NTM: variants seen among roughly 807,000 people sequenced by gnomAD.
NTM encodes the protein IgLON family member 2.
NTM carries 13 observed loss-of-function variants against 42.1 expected under a neutral mutation model. The ratio of observed to expected loss-of-function variants is 0.31; its 90% CI spans 0.20 to 0.49. NTM has a LOEUF of 0.49. Ranked by LOEUF, NTM falls within the 20% of genes least tolerant of loss-of-function variation. NTM has a pLI of 0.99. For synonymous variants in NTM, 187 were observed against 179.2 expected (o/e 1.04, Z -0.35); for missense variants, 373 against 452.8 (o/e 0.82, Z 1.60).
intron 3 of NTM, among the ~76,000 whole-genome samples, chr11:132,198,104 C>T (rs1231592260): frequency 3.3e-5 from 5 of 152,180 alleles, no homozygotes; most frequent in East Asian, 1.9e-4. Flanking sequence ...AACTAGTTTA[C>T]GATCCCACCA....
rs1041719787 is a variant in NTM, at chr11:131,659,434, C to G, written c.83-252130C>G. On this transcript the variant is annotated intron_variant, in intron 1 of 8. Coordinates refer to ENST00000683400, the MANE Select transcript of NTM (RefSeq NM_001352005.2). ...CTGGGTGAGGGAGTTGAGCCAGACC[C>G]TGTATGCTGAGCCCTCAGCCCAAGC... Among the ~76,000 whole-genome samples, 3 of 152,152 alleles carry G rather than the reference C, an allele frequency of 2.0e-5. No homozygotes were observed. The South Asian group carries it at 6.2e-4, about 32-fold the overall frequency.
At chr11:131,442,544 G>A (rs999988252) in intron 1 of NTM, among the ~76,000 whole-genome samples, 1 of 152,118 alleles carries the variant, frequency 6.6e-6, no homozygotes, top group African/African-American at 2.4e-5. Flanking sequence ...GTACCCAATA[G>A]GTAAGTTTTC....
chr11:131,910,185 T>C (rs1292026064), intron 1 of NTM: 2 of 152,230 alleles, frequency 1.3e-5, no homozygotes, highest in African/African-American at 2.4e-5. Context: ...TATGAGGTTC[T>C]TCTAAAACAT....
intron 1 of NTM, among the ~76,000 whole-genome samples, chr11:131,640,274 C>T (rs2064972722): frequency 6.6e-6 from 1 of 152,166 alleles, no homozygotes; most frequent in South Asian, 2.1e-4. Flanking sequence ...TATGTGCAAC[C>T]TGTTCTTATG....
At chr11:131,986,354 A>G (rs2066069015) in intron 2 of NTM, among the ~76,000 whole-genome samples, 1 of 152,230 alleles carries the variant, frequency 6.6e-6, no homozygotes, top group Non-Finnish European at 1.5e-5. Context: ...TCCTTTGCAC[A>G]AAAGCTTAAT....
At chr11:132,066,567 C>T (rs2056526609) in intron 2 of NTM, among the ~76,000 whole-genome samples, 1 of 152,182 alleles carries the variant, frequency 6.6e-6, no homozygotes, top group Non-Finnish European at 1.5e-5. Context: ...ACTTCACTGG[C>T]CCCACATCAA....
intron 1 of NTM, among the ~76,000 whole-genome samples, chr11:131,421,886 G>T (rs1470400040): frequency 3.3e-5 from 5 of 152,124 alleles, no homozygotes; most frequent in Admixed American, 3.3e-4. Context: ...TGCTAATAAG[G>T]GTTGTGCCTG....
chr11:132,096,913 C>T (rs1347343924), intron 2 of NTM, among the ~76,000 whole-genome samples: 1 of 152,180 alleles, frequency 6.6e-6, no homozygotes, highest in Admixed American at 6.5e-5. Context: ...GTACAGTCTA[C>T]AGGTTTCAGA....
chr11:131,493,501 C>A (rs1229573703), intron 1 of NTM, among the ~76,000 whole-genome samples: 1 of 152,084 alleles, frequency 6.6e-6, no homozygotes, highest in African/African-American at 2.4e-5. Context: ...CTCTTTGAAC[C>A]CACAGCTCTT....
intron 2 of NTM, among the ~76,000 whole-genome samples, chr11:132,042,101 G>A (rs946040302): frequency 2.0e-5 from 3 of 152,172 alleles, no homozygotes; most frequent in African/African-American, 4.8e-5. Context: ...GTAAGCAGTA[G>A]GTTGCCACAA....
intron 1 of NTM, among the ~76,000 whole-genome samples, chr11:131,866,012 C>A (rs1375889863): frequency 3.3e-5 from 1 of 30,500 alleles, no homozygotes; most frequent in Non-Finnish European, 7.1e-5. Flanking sequence ...TACACACATG[C>A]CACACTCTCA....
chr11:131,834,779 C>T (rs866141057), intron 1 of NTM, among the ~76,000 whole-genome samples: 3 of 151,826 alleles, frequency 2.0e-5, no homozygotes, highest in Admixed American at 6.6e-5. Flanking sequence ...AGCCATGATC[C>T]AATCTAGGCA....
chr11:131,844,380 G>A (rs1017349986), intron 1 of NTM, among the ~76,000 whole-genome samples: 1 of 152,032 alleles, frequency 6.6e-6, no homozygotes, highest in Non-Finnish European at 1.5e-5. Flanking sequence ...AATTCCTGTA[G>A]CTCTGAAATG....
intron 2 of NTM, among the ~76,000 whole-genome samples, chr11:132,042,050 T>C (rs1205628994): frequency 1.3e-5 from 2 of 152,216 alleles, no homozygotes; most frequent in African/African-American, 2.4e-5. Flanking sequence ...TGGCATTCTA[T>C]TGAACTTGTT....
chr11:131,961,440 C>T (rs895955149), intron 2 of NTM, among the ~76,000 whole-genome samples: 3 of 152,154 alleles, frequency 2.0e-5, no homozygotes, highest in Non-Finnish European at 4.4e-5. Flanking sequence ...AATTAAAGCC[C>T]GTCAAGTAAT....
At chr11:131,733,463 T>TTTCC (rs555056062) in intron 1 of NTM, among the ~76,000 whole-genome samples, 13,203 of 112,368 alleles carry the variant, frequency 0.12, 1,102 homozygotes, top group East Asian at 0.21. Flanking sequence ...TCCTTCCTTC[T>TTTCC]TTCCTTCCTT....
intron 4 of NTM, among the ~76,000 whole-genome samples, chr11:132,282,994 T>TTTTTTTTTA (rs1187550329): frequency 7.1e-6 from 1 of 140,410 alleles, no homozygotes; most frequent in Non-Finnish European, 1.6e-5. Context: ...TTTTTTTTTT[T>TTTTTTTTTA]TTTTTTTATT....
chr11:132,170,835 G>A (rs955872381), intron 3 of NTM, among the ~76,000 whole-genome samples: 3 of 152,152 alleles, frequency 2.0e-5, no homozygotes, highest in Non-Finnish European at 4.4e-5. Flanking sequence ...AGGCACCGTG[G>A]CAAGTGTTGG....
At chr11:131,519,439 T>C (rs1253432771) in intron 1 of NTM, among the ~76,000 whole-genome samples, 1 of 149,688 alleles carries the variant, frequency 6.7e-6, no homozygotes, top group Non-Finnish European at 1.5e-5. Flanking sequence ...CAGATCTTCA[T>C]AGGAGGCTGC....
Sources: allele counts gnomAD v4.1 joint callset (sites outside exome capture counted in the v4.1 genomes callset), GRCh38; gene constraint gnomAD v4.1.1; transcripts MANE v1.5; gene names NCBI Gene and HGNC (gene_info 2026-07-23, HGNC 2026-07-21).